Variants in PLK4 observed in about 807,000 individuals in gnomAD.
PLK4 encodes polo like kinase 4, also known as serine/threonine-protein kinase PLK4.
Under a neutral mutation model 103.0 loss-of-function variants are expected in PLK4, and 51 were observed. That is an observed-to-expected ratio of 0.50 (90% CI 0.40 to 0.63). The LOEUF is 0.63. Among genes scored for constraint, PLK4 ranks in the 20% least tolerant of loss-of-function variants. The pLI, the probability that PLK4 is intolerant of heterozygous loss-of-function variation, is 0.00. For synonymous variants in PLK4, 389 were observed against 376.8 expected, an observed-to-expected ratio of 1.03 and a Z score of -0.38; for missense variants, 1,054 against 1,151.0, an observed-to-expected ratio of 0.92 and a Z score of 1.22.
intron 6 of PLK4, 137 bp downstream of exon 6, chr4:127,887,633 T>G: frequency 1.6e-6 from 1 of 619,792 alleles, no homozygotes; most frequent in East Asian, 2.9e-5. Context: ...ATCCCAACAC[T>G]TGTGAGGCCA....
rs767191648 is a variant in PLK4, at chr4:127,886,142, T to G, written c.772T>G (p.Ser258Ala). 1.4e-5 allele frequency: 22 copies of G among 1,614,142 alleles called. No homozygotes were observed. In the African/African-American group the frequency reaches 2.8e-4, roughly 21 times the overall value. Residue 258 changes from serine (S) to alanine (A), a missense_variant, in exon 5 of 16, where the codon TCA becomes GCA. Ser to Ala is a moderately conservative substitution (Grantham distance 99). Transcript: ENST00000270861. ...RNPADRLSLS[S>A]VLDHPFMSRN... ...TCCAGCAGATCGTTTAAGTCTGTCT[T>G]CAGTATTGGACCATCCTTTTATGTC...
intron 2 of PLK4, 29 bp downstream of exon 2, chr4:127,881,955 TGTACTTTGCAA>T: frequency 8.2e-7 from 1 of 1,222,626 alleles, no homozygotes; most frequent in South Asian, 1.2e-5. Context: ...ACTTCTCTCC[TGTACTTTGCAA>T]GTAACTAGAG....
At chr4:127,895,210 T>G (rs1578768160) in intron 14 of PLK4, 117 bp downstream of exon 14, 1 of 669,002 alleles carries the variant, frequency 1.5e-6, no homozygotes, top group East Asian at 3.0e-5. Context: ...TACAAGGAAG[T>G]TTTTGTACCT....
chr4:127,895,625 G>A (rs1735539344), intron 14 of PLK4, among the ~76,000 whole-genome samples: 1 of 151,774 alleles, frequency 6.6e-6, no homozygotes, highest in Non-Finnish European at 1.5e-5. Context: ...GTTTCACCAT[G>A]TTAGCCAGGA....
chr4:127,892,457 A>G lies in PLK4; in HGVS notation c.2131A>G (p.Lys711Glu). The change falls in exon 10 of 16, where the codon AAA becomes GAA. Residue 711 changes from lysine (K) to glutamate (E), a missense_variant. By Grantham distance (56) the Lys-to-Glu change is moderately conservative. Coordinates refer to ENST00000270861, the MANE Select transcript of PLK4 (RefSeq NM_014264.5). ...AATCACTTATTTTACAAGATATGCTAAATGCATTTTGATGGAGAATTCTCC... is the reference window on the plus strand; with the variant it reads ...AATCACTTATTTTACAAGATATGCTGAATGCATTTTGATGGAGAATTCTCC... The part of the protein sequence containing the change: ...PKITYFTRYA[K>E]CILMENSPGA... 1.3e-6 allele frequency: 2 copies of G among 1,595,350 alleles called. No individual in the cohort carries two copies. Among genetic ancestry groups the G allele is most frequent in the Non-Finnish European group, 1.7e-6 (2 of 1,169,296 alleles).
rs769169379 is a variant in PLK4 at position 127,890,125 on chromosome 4, TA to T, written c.1720del (p.Arg574GlyfsTer14). On this transcript the variant is annotated frameshift_variant, in exon 7 of 16. Coordinates refer to ENST00000270861, the MANE Select transcript of PLK4 (RefSeq NM_014264.5). LOFTEE classifies it high-confidence loss of function. ...ATCCTCTTTCTGAACAGAGCAAGAC[TA>T]GGGGTATGGAGCCACCATGGGGTTA... Reference protein sequence around the residue: ...SDPLSEQSKTRGMEPPWGYQN... With the variant: ...SDPLSEQSKTXGMEPPWGYQN... 3 of 1,613,896 alleles carry T rather than the reference TA, an allele frequency of 1.9e-6. No homozygotes were observed. The highest frequency in any genetic ancestry group is 1.7e-5 in the Admixed American group (1 of 60,004).
chr4:127,887,081 G>C (rs945893657), intron 5 of PLK4, among the ~76,000 whole-genome samples: 1 of 152,030 alleles, frequency 6.6e-6, no homozygotes, highest in African/African-American at 2.4e-5. Context: ...AATTCTGACT[G>C]CTTCCAATAT....
rs567342023 is a variant in PLK4 at position 127,889,929 on chromosome 4, C to G, written c.1523C>G (p.Pro508Arg). The G allele has an allele frequency of 6.2e-7, 1 of 1,613,566 alleles. No homozygotes were observed. Among genetic ancestry groups the G allele is most frequent in the Non-Finnish European group, 8.5e-7 (1 of 1,179,762 alleles). ...CCAAACCGGGACTTCCAGGGCCATC[C>G]AGATTTGCAGAAGGACACATCAAAA... ...ISPNRDFQGH[P>R]DLQKDTSKNA... The change falls in exon 7 of 16, where the codon CCA becomes CGA. Residue 508 changes from proline to arginine, a missense_variant. Transcript: ENST00000270861.
chr4:127,886,461 C>G lies in PLK4; in HGVS notation c.1091C>G (p.Ala364Gly). ...GGAAGGGGAAGAGTAATTCAAGATG[C>G]AGAAGAAAGGCCACATTCTCGATAC... ...NSGRGRVIQD[A>G]EERPHSRYLR... Residue 364 changes from alanine (A) to glycine (G), a missense_variant, in exon 5 of 16, where the codon GCA (alanine) becomes GGA (glycine). Ala to Gly is a moderately conservative substitution (Grantham distance 60). This residue lies in a region of PLK4 where 680 missense variants were observed against 660.3 expected (regional missense o/e 1.03). Transcript: ENST00000270861. 6.2e-7 allele frequency: 1 copy of G among 1,614,034 alleles called. No individual in the cohort carries two copies. The highest frequency in any genetic ancestry group is 8.5e-7 in the Non-Finnish European group (1 of 1,179,922).
At chr4:127,897,872 G>C in intron 15 of PLK4, among the ~76,000 whole-genome samples, 1 of 92,136 alleles carries the variant, frequency 1.1e-5, no homozygotes, top group South Asian at 3.8e-4. Context: ...ACAGAGTCTC[G>C]CTCTGTTGCC....
At chr4:127,897,849 T>TTTTTTTTTTG (rs1735633103) in intron 15 of PLK4, among the ~76,000 whole-genome samples, 1 of 117,050 alleles carries the variant, frequency 8.5e-6, no homozygotes, top group African/African-American at 3.3e-5. Context: ...TTTTTTTTTT[T>TTTTTTTTTTG]TTTTTTTTTG....
chr4:127,892,437 C>G lies in PLK4; in HGVS notation c.2111C>G (p.Thr704Ser), dbSNP rs911447974. ...QLVRSKSPKI[T>S]YFTRYAKCIL... is the part of the protein sequence containing the mutation. ...GTAAGATCTAAATCTCCCAAAATCACTTATTTTACAAGATATGCTAAATGC... is the reference window on the plus strand; with the variant it reads ...GTAAGATCTAAATCTCCCAAAATCAGTTATTTTACAAGATATGCTAAATGC... The change falls in exon 10 of 16, where the codon ACT (threonine) becomes AGT (serine). Residue 704 changes from threonine to serine, a missense_variant. Thr to Ser is a moderately conservative substitution (Grantham distance 58). Transcript: ENST00000270861. 1.3e-6 allele frequency: 2 copies of G among 1,588,836 alleles called. No individual in the cohort carries two copies. The highest frequency in any genetic ancestry group is 1.4e-5 in the African/African-American group (1 of 73,000).
intron 10 of PLK4, 90 bp downstream of exon 10, chr4:127,892,604 GT>G: frequency 2.1e-6 from 2 of 968,440 alleles, no homozygotes; most frequent in Non-Finnish European, 3.2e-6. Flanking sequence ...AACACAGTCA[GT>G]TTTAAAGATG....
chr4:127,896,666 G>A (rs1172714659), intron 14 of PLK4, 135 bp from the exon 15 acceptor site: 4 of 462,672 alleles, frequency 8.6e-6, no homozygotes, highest in South Asian at 4.3e-5. Context: ...TTTTTTAACT[G>A]TGGAAAACCT....
chr4:127,889,969 T>C lies in PLK4; in HGVS notation c.1563T>C (p.Asp521=). 6.2e-7 allele frequency: 1 copy of C among 1,614,080 alleles called. No individual in the cohort carries two copies. The highest frequency in any genetic ancestry group is 8.5e-7 in the Non-Finnish European group (1 of 1,179,936). ...QKDTSKNAWT[D]TKVKKNSDAS... is the part of the protein sequence containing the mutation. ...ACACATCAAAAAATGCCTGGACTGA[T>C]ACAAAAGTCAAAAAGAACTCTGATG... The change falls in exon 7 of 16, where the codon GAT becomes GAC. Residue 521 remains aspartate (D), a synonymous_variant. Transcript: ENST00000270861.
At position 127,881,874 on chromosome 4, in the gene PLK4, G is replaced by T; in HGVS notation, c.74G>T (p.Gly25Val). Residue 25 changes from glycine (G) to valine (V), a missense_variant, in exon 2 of 16, where the codon GGT (glycine) becomes GTT (valine). Gly to Val is a moderately radical substitution (Grantham distance 109). Transcript: ENST00000270861. ...GNLLGKGSFA[G>V]VYRAESIHTG... is the part of the protein sequence containing the mutation. Reference sequence around the variant, plus strand: ...CTGCTTGGTAAAGGATCATTTGCTGGTGTCTACAGAGCTGAGTCCATTCAC... The same window carrying T: ...CTGCTTGGTAAAGGATCATTTGCTGTTGTCTACAGAGCTGAGTCCATTCAC... 6.2e-7 allele frequency: 1 copy of T among 1,610,768 alleles called. No homozygotes were observed.
At chr4:127,889,071 TAATC>T (rs1735252898) in intron 6 of PLK4, among the ~76,000 whole-genome samples, 2 of 152,310 alleles carry the variant, frequency 1.3e-5, no homozygotes, top group South Asian at 2.1e-4. Context: ...TTGTTTATAA[TAATC>T]CAGTAGTGTT....
intron 4 of PLK4, among the ~76,000 whole-genome samples, chr4:127,885,261 C>T (rs1055107918): frequency 1.3e-4 from 19 of 151,894 alleles, no homozygotes; most frequent in African/African-American, 4.3e-4. Flanking sequence ...GGGTGGATCA[C>T]GAGGTCAGGA....
At chr4:127,892,059 AT>A (rs897834294) in intron 9 of PLK4, 7 of 229,364 alleles carry the variant, frequency 3.1e-5, no homozygotes, top group African/African-American at 1.4e-4. Context: ...TGACTCACAA[AT>A]TTGTGAAGCA....
Sources: allele counts gnomAD v4.1 joint callset (sites outside exome capture counted in the v4.1 genomes callset), GRCh38; gene constraint gnomAD v4.1.1; regional missense constraint gnomAD v4.1.1; transcripts MANE v1.5; gene names NCBI Gene and HGNC (gene_info 2026-07-23, HGNC 2026-07-21).